The following CADM2 variants were observed in gnomAD, a reference collection of about 807,000 sequenced individuals.
CADM2 encodes the protein immunoglobulin superfamily member 4D.
In CADM2, 12 loss-of-function variants were observed where a neutral mutation model predicts 49.8. The observed-to-expected ratio is 0.24, with a 90% CI of 0.15 to 0.39. The LOEUF is 0.39. CADM2 is among the 10% of genes least tolerant of loss of function. CADM2 has a pLI of 1.00. For synonymous variants in CADM2, 214 were observed against 175.4 expected (o/e 1.22, Z -1.74); for missense variants, 378 against 492.3 (o/e 0.77, Z 2.20).
At chr3:85,764,208 TG>T (rs1324916180) in intron 2 of CADM2, among the ~76,000 whole-genome samples, 2 of 152,144 alleles carry the variant, frequency 1.3e-5, no homozygotes, top group Non-Finnish European at 2.9e-5. Context: ...AAAACATTTT[TG>T]TATGAACAGC....
chr3:85,956,878 G>A (rs1001198144), intron 7 of CADM2, among the ~76,000 whole-genome samples: 4 of 151,424 alleles, frequency 2.6e-5, no homozygotes, highest in East Asian at 2.0e-4. Context: ...TTGAGTATAC[G>A]GAAGTGTATA....
At chr3:85,515,558 G>A (rs1333773137) in intron 1 of CADM2, among the ~76,000 whole-genome samples, 1 of 148,368 alleles carries the variant, frequency 6.7e-6, no homozygotes, top group African/African-American at 2.5e-5. Flanking sequence ...GAGTAGCTGG[G>A]ATTACAGGAG....
At chr3:85,560,755 C>A (rs2062074301) in intron 1 of CADM2, among the ~76,000 whole-genome samples, 1 of 152,112 alleles carries the variant, frequency 6.6e-6, no homozygotes, top group African/African-American at 2.4e-5. Context: ...ATTTATACAA[C>A]AATTGTAAGT....
At chr3:85,814,605 A>C (rs2108146418) in intron 3 of CADM2, among the ~76,000 whole-genome samples, 1 of 152,232 alleles carries the variant, frequency 6.6e-6, no homozygotes, top group East Asian at 1.9e-4. Context: ...ATGATCAACA[A>C]AACAGATAGA....
At chr3:85,398,754 C>CATG (rs2034929882) in intron 1 of CADM2, among the ~76,000 whole-genome samples, 2 of 152,130 alleles carry the variant, frequency 1.3e-5, no homozygotes, top group Non-Finnish European at 2.9e-5. Flanking sequence ...CTCTGATGGC[C>CATG]AGTGATGATG....
chr3:86,012,978 CA>C, intron 8 of CADM2: 1 of 843,880 alleles, frequency 1.2e-6, no homozygotes. Context: ...ATCTCAAAAA[CA>C]AAAACAAAAA....
chr3:85,313,889 CTTAT>C (rs746845237), intron 1 of CADM2, among the ~76,000 whole-genome samples: 2 of 151,910 alleles, frequency 1.3e-5, no homozygotes, highest in Admixed American at 6.6e-5. Flanking sequence ...CTTGTATTAT[CTTAT>C]TTATTTATTT....
rs200835754 is a variant in CADM2, at chr3:85,204,895, GA to G, written c.61+245229del. On this transcript the variant is annotated intron_variant, in intron 1 of 9. Coordinates refer to ENST00000383699, the MANE Select transcript of CADM2 (RefSeq NM_001167675.2). ...ACAAGTTTAAAGCTAATACAGAAAA[GA>G]ACTTATAAAAATAAAATGAAGATTT... Among the ~76,000 whole-genome samples the G allele has an allele frequency of 6.9e-3, 1,051 of 151,480 alleles. 10 individuals carry two copies. The highest frequency in any genetic ancestry group is 0.023 in the African/African-American group (962 of 41,324).
chr3:85,141,221 G>C (rs1335999829), intron 1 of CADM2, among the ~76,000 whole-genome samples: 1 of 152,086 alleles, frequency 6.6e-6, no homozygotes, highest in Non-Finnish European at 1.5e-5. Context: ...AGAATACCTG[G>C]GTTTAAATCT....
chr3:85,300,202 C>A (rs1333348284), intron 1 of CADM2, among the ~76,000 whole-genome samples: 1 of 152,020 alleles, frequency 6.6e-6, no homozygotes, highest in Non-Finnish European at 1.5e-5. Flanking sequence ...AGGCACTATG[C>A]CAGTGGTTTC....
chr3:85,468,980 C>T (rs902078441), intron 1 of CADM2, among the ~76,000 whole-genome samples: 1 of 152,138 alleles, frequency 6.6e-6, no homozygotes, highest in Non-Finnish European at 1.5e-5. Flanking sequence ...GTTGAAGACT[C>T]TTCATGGGGA....
intron 2 of CADM2, among the ~76,000 whole-genome samples, chr3:85,756,920 A>T (rs575530491): frequency 2.2e-4 from 33 of 152,312 alleles, no homozygotes; most frequent in African/African-American, 7.7e-4. Flanking sequence ...CCTGCACAGT[A>T]GAAGGAGTGA....
chr3:84,992,043 T>C (rs764477940), intron 1 of CADM2, among the ~76,000 whole-genome samples: 4 of 152,160 alleles, frequency 2.6e-5, no homozygotes, highest in Non-Finnish European at 1.5e-5. Flanking sequence ...AGGGCAGTGA[T>C]ACTACTTTGT....
At chr3:85,441,041 C>G (rs886205023) in intron 1 of CADM2, among the ~76,000 whole-genome samples, 1 of 151,860 alleles carries the variant, frequency 6.6e-6, no homozygotes, top group Non-Finnish European at 1.5e-5. Flanking sequence ...CTTTATAATA[C>G]CAATATTTTA....
chr3:85,291,911 A>C (rs2106938225), intron 1 of CADM2, among the ~76,000 whole-genome samples: 1 of 151,970 alleles, frequency 6.6e-6, no homozygotes, highest in African/African-American at 2.4e-5. Flanking sequence ...TAACATCATA[A>C]TGACAGGATC....
intron 1 of CADM2, among the ~76,000 whole-genome samples, chr3:85,439,808 G>A (rs1465841571): frequency 6.6e-6 from 1 of 152,014 alleles, no homozygotes. Flanking sequence ...AAAATTTTCT[G>A]TTCAGAATAT....
chr3:85,741,818 G>C (rs763417438), intron 2 of CADM2, among the ~76,000 whole-genome samples: 4 of 152,022 alleles, frequency 2.6e-5, no homozygotes, highest in Non-Finnish European at 4.4e-5. Context: ...AAATAAAATT[G>C]GAACTTATTT....
intron 1 of CADM2, among the ~76,000 whole-genome samples, chr3:85,327,540 G>A (rs1000288904): frequency 7.6e-5 from 11 of 144,246 alleles, no homozygotes; most frequent in Non-Finnish European, 3.0e-5. Context: ...ATAGGCATGA[G>A]CCACCATGCC....
intron 3 of CADM2, among the ~76,000 whole-genome samples, chr3:85,846,541 A>C (rs1028729818): frequency 6.6e-6 from 1 of 152,190 alleles, no homozygotes; most frequent in Non-Finnish European, 1.5e-5. Flanking sequence ...AGGGTATGCA[A>C]ATATTTGCAG....
Sources: allele counts gnomAD v4.1 joint callset (sites outside exome capture counted in the v4.1 genomes callset), GRCh38; gene constraint gnomAD v4.1.1; transcripts MANE v1.5; gene names NCBI Gene and HGNC (gene_info 2026-07-23, HGNC 2026-07-21).